PRMT8: variants seen among roughly 807,000 people sequenced by gnomAD.
The protein encoded by PRMT8 is protein arginine N-methyltransferase 8.
PRMT8 carries 7 observed loss-of-function variants against 47.1 expected under a neutral mutation model. That is an observed-to-expected ratio of 0.15 (90% CI 0.08 to 0.28). The LOEUF (loss-of-function observed/expected upper bound fraction) is 0.28, where lower values mean the gene tolerates loss of function less well. Ranked by LOEUF, PRMT8 falls within the 10% of genes least tolerant of loss-of-function variation. The pLI is 1.00. For missense variants in PRMT8, 237 were observed against 505.4 expected (o/e 0.47, Z 5.09); for synonymous variants, 188 against 186.5 (o/e 1.01, Z -0.07).
chr12:3,475,532 G>C (rs984096513), intron 1 of PRMT8, among the ~76,000 whole-genome samples: 6 of 152,216 alleles, frequency 3.9e-5, no homozygotes, highest in Non-Finnish European at 7.3e-5. Flanking sequence ...TCTGCCTCGG[G>C]ATCCGGGTCA....
intron 8 of PRMT8, among the ~76,000 whole-genome samples, chr12:3,588,363 T>C (rs750801918): frequency 2.1e-4 from 32 of 152,346 alleles, no homozygotes; most frequent in Middle Eastern, 6.8e-3. Context: ...CACTTAGCCA[T>C]TGGTCAGTGA....
At chr12:3,586,602 G>A (rs192211572) in intron 8 of PRMT8, among the ~76,000 whole-genome samples, 100 of 152,272 alleles carry the variant, frequency 6.6e-4, no homozygotes, top group Non-Finnish European at 1.2e-3. Context: ...TGTTAGAATT[G>A]CAAATTCTTG....
intron 1 of PRMT8, among the ~76,000 whole-genome samples, chr12:3,467,331 G>C (rs1865110874): frequency 6.6e-6 from 1 of 151,024 alleles, no homozygotes; most frequent in South Asian, 2.1e-4. Context: ...GCAGGTGTTT[G>C]GCCTGGGGAA....
Position 3,538,939 on chromosome 12 carries a change from A to G in PRMT8, c.76-1667A>G, listed in dbSNP as rs867859843. 6.6e-6 allele frequency among the ~76,000 whole-genome samples: 1 copy of G among 152,184 alleles called. No homozygotes were observed. Among genetic ancestry groups the G allele is most frequent in the Admixed American group, 6.5e-5 (1 of 15,278 alleles). On this transcript the variant is annotated intron_variant, in intron 1 of 9. Coordinates refer to ENST00000382622, the MANE Select transcript of PRMT8 (RefSeq NM_019854.5). The surrounding 1 kb of genome is among the most constrained non-coding windows in gnomAD (Gnocchi z 4.6). ...GCGGTAGCCTAGGTACACTGGGAAG[A>G]TGGGACCATCCCACTGCCCCCAGCT...
chr12:3,512,504 A>G (rs1319674026), intron 1 of PRMT8, among the ~76,000 whole-genome samples: 2 of 152,062 alleles, frequency 1.3e-5, no homozygotes, highest in African/African-American at 4.8e-5. Context: ...CATGGAGGGC[A>G]CTGCCATTCT....
At chr12:3,445,869 C>A (rs1023855741) in intron 1 of PRMT8, among the ~76,000 whole-genome samples, 3 of 152,190 alleles carry the variant, frequency 2.0e-5, no homozygotes, top group Non-Finnish European at 4.4e-5. Flanking sequence ...ATATTTACTG[C>A]GGTCAGCTGT....
intron 6 of PRMT8, among the ~76,000 whole-genome samples, chr12:3,571,011 A>G (rs1398509344): frequency 6.6e-6 from 1 of 152,208 alleles, no homozygotes; most frequent in Admixed American, 6.5e-5. Context: ...AAATTATCTA[A>G]TACCTTTGGG....
At position 3,583,616 on chromosome 12, in the gene PRMT8, C is replaced by A. The variant is rs1263584948; in HGVS notation, c.979+408C>A. Among the ~76,000 whole-genome samples, 1 of 152,220 alleles carries A rather than the reference C, an allele frequency of 6.6e-6. No individual in the cohort carries two copies. The highest frequency in any genetic ancestry group is 1.9e-4 in the East Asian group (1 of 5,196). ...ACACAGCCTGTCTTGCAGCAGCCTG[C>A]ACACTGGTCTCTATGTCTCCTTCCC... is the stretch of plus-strand genomic sequence containing the variant. On this transcript the variant is annotated intron_variant, in intron 8 of 9. Transcript: ENST00000382622. The surrounding 1 kb of genome is among the most constrained non-coding windows in gnomAD (Gnocchi z 4.7).
chr12:3,404,896 C>G (rs1189136052), intron 1 of PRMT8, among the ~76,000 whole-genome samples: 3 of 152,186 alleles, frequency 2.0e-5, no homozygotes, highest in African/African-American at 7.2e-5. Flanking sequence ...TGAAATACCT[C>G]TCTTTATCCT....
At chr12:3,506,311 A>G (rs566966227) in intron 1 of PRMT8, among the ~76,000 whole-genome samples, 2 of 152,244 alleles carry the variant, frequency 1.3e-5, no homozygotes, top group African/African-American at 4.8e-5. Flanking sequence ...TTTATTAGTA[A>G]TCTGGGCTTA....
rs1478250471 is a variant in PRMT8 at position 3,409,849 on chromosome 12, A to T, written c.48+28407A>T. ...TCCACAGTGCCTCATCAGCTTCAGCACCAGGGGGTGTGATTGTTCTGGGTA... is the reference window on the plus strand; with the variant it reads ...TCCACAGTGCCTCATCAGCTTCAGCTCCAGGGGGTGTGATTGTTCTGGGTA... On this transcript the variant is annotated intron_variant, in intron 1 of 9. Transcript: ENST00000452611. The surrounding 1 kb of genome is among the most constrained non-coding windows in gnomAD (Gnocchi z 4.4). 1.3e-5 allele frequency among the ~76,000 whole-genome samples: 2 copies of T among 152,110 alleles called. No homozygotes were observed. Among genetic ancestry groups the T allele is most frequent in the Admixed American group, 6.5e-5 (1 of 15,270 alleles).
chr12:3,591,404 G>A (rs1867299970), intron 8 of PRMT8, among the ~76,000 whole-genome samples: 1 of 132,878 alleles, frequency 7.5e-6, no homozygotes, highest in South Asian at 2.4e-4. Context: ...GGCAGGGAAA[G>A]CTCTTTTTTT....
chr12:3,553,442 T>A, intron 3 of PRMT8: 1 of 605,646 alleles, frequency 1.7e-6, no homozygotes. Context: ...CATCAGTCTT[T>A]TCGCAAAGGC....
rs879687169 is a variant in PRMT8 at position 3,453,332 on chromosome 12, G to A, written c.48+71890G>A. ...GGACTCCTGGGCCTCGGGCCCCAGT[G>A]TTGAGTCTGGCAGCAGATCCCCAAG... On this transcript the variant is annotated intron_variant, in intron 1 of 9. Transcript: ENST00000452611. The surrounding 1 kb of genome is among the most constrained non-coding windows in gnomAD (Gnocchi z 4.9). Among the ~76,000 whole-genome samples, 6 of 152,192 alleles carry A rather than the reference G, an allele frequency of 3.9e-5. No homozygotes were observed. Among genetic ancestry groups the A allele is most frequent in the Admixed American group, 3.3e-4 (5 of 15,282 alleles).
intron 1 of PRMT8, among the ~76,000 whole-genome samples, chr12:3,435,960 C>T (rs976961679): frequency 1.3e-4 from 20 of 152,144 alleles, no homozygotes; most frequent in African/African-American, 4.1e-4. Context: ...ACCCCGTGTC[C>T]GCAAGGAAAC....
At chr12:3,547,155 A>G (rs1415901527) in intron 2 of PRMT8, among the ~76,000 whole-genome samples, 1 of 152,214 alleles carries the variant, frequency 6.6e-6, no homozygotes, top group Non-Finnish European at 1.5e-5. Flanking sequence ...AGCCTAAATT[A>G]TACTTAATGG....
intron 1 of PRMT8, among the ~76,000 whole-genome samples, chr12:3,505,685 C>G (rs1488906843): frequency 2.2e-4 from 34 of 152,192 alleles, no homozygotes; most frequent in Admixed American, 2.2e-3. Context: ...CATTATGGAG[C>G]CAGTAAGTAG....
chr12:3,491,550 G>C lies in PRMT8; in HGVS notation c.-76G>C. ...ATTTTTTTTTTTCTCCCATCCTCTC[G>C]CTCTCTCTTTTAAAGCGACACCAGC... On this transcript the variant is annotated 5_prime_UTR_variant, in exon 1 of 10. Transcript: ENST00000382622. 2 of 1,496,246 alleles carry C rather than the reference G, an allele frequency of 1.3e-6. No homozygotes were observed. Among genetic ancestry groups the C allele is most frequent in the Non-Finnish European group, 8.9e-7 (1 of 1,123,242 alleles). The allele number at this position is 1,496,246 out of a possible 1,614,324, so 92.7% of individuals were successfully genotyped here. A position where few individuals can be genotyped will look rare whatever the true frequency, so the allele number is the denominator to read the frequency against.
At chr12:3,568,993 G>A in intron 5 of PRMT8, 145 bp downstream of exon 5, 1 of 1,143,376 alleles carries the variant, frequency 8.7e-7, no homozygotes, top group Non-Finnish European at 1.2e-6. Flanking sequence ...CTCTAGAGCA[G>A]ATCTGTATCA....
Sources: gnomAD v4.1 joint callset for allele counts (sites outside exome capture counted in the v4.1 genomes callset) on GRCh38, gnomAD v4.1.1 for gene constraint, Gnocchi (gnomAD v3.1) non-coding constraint, MANE v1.5 for transcripts, NCBI Gene and HGNC (gene_info 2026-07-23, HGNC 2026-07-21) for gene names.